TGFBRAP1: variants seen among roughly 807,000 people sequenced by gnomAD.
The protein encoded by TGFBRAP1 is transforming growth factor beta receptor associated protein 1, also known as transforming growth factor-beta receptor-associated protein 1.
A neutral mutation model predicts 83.2 loss-of-function variants in TGFBRAP1; 20 were observed. The ratio of observed to expected loss-of-function variants is 0.24; its 90% CI spans 0.17 to 0.35. The LOEUF (loss-of-function observed/expected upper bound fraction) is 0.35. Ranked by LOEUF, TGFBRAP1 falls within the 10% of genes least tolerant of loss-of-function variation. TGFBRAP1 has a pLI of 1.00. For missense variants in TGFBRAP1, 950 were observed against 1,099.4 expected, an observed-to-expected ratio of 0.86 and a Z score of 1.92; for synonymous variants, 415 against 459.8, an observed-to-expected ratio of 0.90 and a Z score of 1.25.
chr2:105,321,192 T>G (rs1377984561), intron 1 of TGFBRAP1, among the ~76,000 whole-genome samples: 1 of 151,196 alleles, frequency 6.6e-6, no homozygotes, highest in Non-Finnish European at 1.5e-5. Flanking sequence ...TGAGATGGAG[T>G]CTCTTGCTTT....
Position 105,267,410 on chromosome 2 carries a change from G to A in TGFBRAP1, c.2556C>T (p.Ser852=), listed in dbSNP as rs781031189. 17 of 1,614,092 alleles carry A rather than the reference G, an allele frequency of 1.1e-5. No homozygotes were observed. Among genetic ancestry groups the A allele is most frequent in the African/African-American group, 2.7e-5 (2 of 74,930 alleles). The part of the protein sequence containing the change: ...HCAASRHTNP[S]SSSPGTRT ...AAGTCCGAGTGCCAGGACTGGATGAGCTGGGGTTTGTGTGTCTGCTGGCGG... is the reference window on the plus strand; with the variant it reads ...AAGTCCGAGTGCCAGGACTGGATGAACTGGGGTTTGTGTGTCTGCTGGCGG... Residue 852 remains serine, a synonymous_variant, in exon 12 of 12, where the codon AGC becomes AGT. Transcript: ENST00000393359.
chr2:105,278,910 G>A (rs541680575), intron 6 of TGFBRAP1, among the ~76,000 whole-genome samples: 27 of 151,896 alleles, frequency 1.8e-4, no homozygotes, highest in Admixed American at 5.2e-4. Context: ...TAGCATATCC[G>A]AGTGGCTGAT....
chr2:105,262,707 G>A (rs117870533), downstream of TGFBRAP1, among the ~76,000 whole-genome samples: 6 of 152,242 alleles, frequency 3.9e-5, no homozygotes, highest in East Asian at 3.9e-4. Flanking sequence ...AGTTGCGTGC[G>A]TTGCTTTCCA....
Position 105,275,573 on chromosome 2 carries a change from T to C in TGFBRAP1, c.1652A>G (p.Gln551Arg), listed in dbSNP as rs1343085606. The change falls in exon 8 of 12, where the codon CAG (glutamine) becomes CGG (arginine). Residue 551 changes from glutamine to arginine, a missense_variant. By Grantham distance (43) the Gln-to-Arg change is conservative. Coordinates refer to ENST00000393359, the MANE Select transcript of TGFBRAP1 (RefSeq NM_004257.6). Reference protein sequence around the residue: ...LVWAYADWVLQKSEEVGVQVF... With the variant: ...LVWAYADWVLRKSEEVGVQVF... ...CGAAGCACAAACCTCTTCACTTTTC[T>C]GCAGGACCCAATCAGCATAGGCCCA... The C allele has an allele frequency of 2.5e-6, 4 of 1,613,914 alleles. No individual in the cohort carries two copies. Among genetic ancestry groups the C allele is most frequent in the South Asian group, 2.2e-5 (2 of 90,962 alleles).
the TGFBRAP1 span, among the ~76,000 whole-genome samples, chr2:105,258,743 A>T: frequency 6.8e-6 from 1 of 147,916 alleles, no homozygotes; most frequent in East Asian, 2.0e-4. Context: ...ACACACACAC[A>T]CACACACACA....
Position 105,296,472 on chromosome 2 carries a change from A to G in TGFBRAP1, c.922T>C (p.Leu308=). The G allele has an allele frequency of 6.2e-7, 1 of 1,614,126 alleles. No homozygotes were observed. The highest frequency in any genetic ancestry group is 8.5e-7 in the Non-Finnish European group (1 of 1,180,032). ...IVATSKGVYI[L]VPLPLEKQIQ... ...TGTTTTTCCAAAGGTAATGGAACCA[A>G]GATGTAAACTCCTTTACTTGTGGCA... Residue 308 remains leucine (L), a synonymous_variant, in exon 4 of 12, where the codon TTG becomes CTG. Coordinates refer to ENST00000393359, the MANE Select transcript of TGFBRAP1 (RefSeq NM_004257.6).
intron 6 of TGFBRAP1, 106 bp from the exon 7 acceptor site, chr2:105,277,777 C>G: frequency 9.1e-7 from 1 of 1,095,902 alleles, no homozygotes; most frequent in Non-Finnish European, 1.4e-6. Context: ...CTATTCAACT[C>G]GAGTTCAGGC....
chr2:105,320,942 T>G (rs888669803), intron 1 of TGFBRAP1, among the ~76,000 whole-genome samples: 4 of 152,320 alleles, frequency 2.6e-5, no homozygotes, highest in Non-Finnish European at 4.4e-5. Flanking sequence ...GAAAACACAC[T>G]GCCTCCTTCT....
chr2:105,267,771 T>C (rs548201366), intron 11 of TGFBRAP1: 2 of 985,434 alleles, frequency 2.0e-6, no homozygotes, highest in Non-Finnish European at 2.4e-6. Flanking sequence ...CACAATTGCT[T>C]TTCTTATTTC....
intron 10 of TGFBRAP1, among the ~76,000 whole-genome samples, chr2:105,270,450 C>A (rs72823841): frequency 1.0e-3 from 152 of 152,298 alleles, no homozygotes; most frequent in Middle Eastern, 3.4e-3. Flanking sequence ...CTGCACCAGC[C>A]CTTATCTGCA....
rs1676987878 is a variant in TGFBRAP1, at chr2:105,267,520, T to C, written c.2446A>G (p.Lys816Glu). ...KGSSIQLSDK[K>E]LCQICQNPFC... ...GGATTTTGGCATATCTGACAAAGCT[T>C]TTTGTCTGAGAGTTGGATTGAGCTT... The change falls in exon 12 of 12, where the codon AAG (lysine) becomes GAG (glutamate). Residue 816 changes from lysine (K) to glutamate (E), a missense_variant. Transcript: ENST00000393359. The C allele has an allele frequency of 1.9e-6, 3 of 1,614,062 alleles. No individual in the cohort carries two copies. The African/African-American group carries it at 4.0e-5, about 22-fold the overall frequency.
chr2:105,320,085 G>A (rs1679010700), intron 1 of TGFBRAP1, among the ~76,000 whole-genome samples: 1 of 152,104 alleles, frequency 6.6e-6, no homozygotes, highest in African/African-American at 2.4e-5. Context: ...ATGACACTTT[G>A]TTATCTGCTC....
At chr2:105,259,026 A>C in the TGFBRAP1 span, among the ~76,000 whole-genome samples, 1 of 152,230 alleles carries the variant, frequency 6.6e-6, no homozygotes, top group Non-Finnish European at 1.5e-5. Flanking sequence ...ATGAAATTAC[A>C]GTTATGGGAG....
chr2:105,284,181 G>T, intron 5 of TGFBRAP1, 135 bp downstream of exon 5: 1 of 769,864 alleles, frequency 1.3e-6, no homozygotes, highest in Non-Finnish European at 2.2e-6. Context: ...GCTGTCACGA[G>T]CTACCCCCAC....
intron 10 of TGFBRAP1, among the ~76,000 whole-genome samples, chr2:105,271,018 C>T (rs953229141): frequency 2.6e-5 from 4 of 152,232 alleles, no homozygotes; most frequent in Admixed American, 2.0e-4. Flanking sequence ...CACAGTGCTG[C>T]GGGGGATACC....
At chr2:105,261,539 G>A (rs1676786838), downstream of TGFBRAP1, among the ~76,000 whole-genome samples, 1 of 152,106 alleles carries the variant, frequency 6.6e-6, no homozygotes, top group Non-Finnish European at 1.5e-5. Context: ...ATCACTTAAG[G>A]TCAGGAGTTC....
In TGFBRAP1 at chr2:105,322,841, A is replaced by C. The variant is rs7592891; in HGVS notation, c.-18+6784T>G. On this transcript the variant is annotated intron_variant, in intron 1 of 11. Coordinates refer to ENST00000393359, the MANE Select transcript of TGFBRAP1 (RefSeq NM_004257.6). The stretch of plus-strand genomic sequence containing the variant: ...TAACTGATGCATGACTGTATATCAT[A>C]TATTAGCTCTAAAAACCAAACCTAT... 6.3e-3 allele frequency among the ~76,000 whole-genome samples: 956 copies of C among 152,298 alleles called. 9 individuals carry two copies. Among genetic ancestry groups the C allele is most frequent in the African/African-American group, 0.022 (909 of 41,558 alleles).
At chr2:105,328,338 A>G (rs1476652014) in intron 1 of TGFBRAP1, among the ~76,000 whole-genome samples, 1 of 152,092 alleles carries the variant, frequency 6.6e-6, no homozygotes, top group Non-Finnish European at 1.5e-5. Context: ...ACTTTCTAGT[A>G]CTCCAGGCAG....
chr2:105,302,216 G>T (rs1355137539), intron 2 of TGFBRAP1, among the ~76,000 whole-genome samples: 1 of 152,180 alleles, frequency 6.6e-6, no homozygotes, highest in African/African-American at 2.4e-5. Flanking sequence ...GGCAAAGCTG[G>T]AGGGAAACAG....
Sources: allele counts gnomAD v4.1 joint callset (sites outside exome capture counted in the v4.1 genomes callset), GRCh38; gene constraint gnomAD v4.1.1; transcripts MANE v1.5; gene names NCBI Gene and HGNC (gene_info 2026-07-23, HGNC 2026-07-21).